The following SH3RF2 variants were observed in gnomAD, a reference collection of about 807,000 sequenced individuals.
SH3RF2 encodes SH3 domain containing ring finger 2.
Under a neutral mutation model 59.0 loss-of-function variants are expected in SH3RF2, and 43 were observed. The ratio of observed to expected loss-of-function variants is 0.73; its 90% CI spans 0.57 to 0.94. The LOEUF (loss-of-function observed/expected upper bound fraction) is 0.94. SH3RF2 is among the 40% of genes least tolerant of loss of function. The pLI, the probability that SH3RF2 is intolerant of heterozygous loss-of-function variation, is 0.00. For missense variants in SH3RF2, 930 were observed against 940.1 expected, an observed-to-expected ratio of 0.99 and a Z score of 0.14; for synonymous variants, 391 against 391.5, an observed-to-expected ratio of 1.00 and a Z score of 0.01.
chr5:146,066,293 G>A (rs1160140571), downstream of SH3RF2, among the ~76,000 whole-genome samples: 4 of 152,192 alleles, frequency 2.6e-5, no homozygotes, highest in Non-Finnish European at 5.9e-5. Flanking sequence ...CACAAATACA[G>A]TTCAGGTCTT....
chr5:146,075,545 T>C (rs1374281141), intron 9 of SH3RF2, among the ~76,000 whole-genome samples: 2 of 152,276 alleles, frequency 1.3e-5, no homozygotes, highest in Admixed American at 1.3e-4. Flanking sequence ...ACAGAGTGGT[T>C]CATGCCTATA....
At chr5:146,048,924 TG>T in intron 6 of SH3RF2, 150 bp from the exon 7 acceptor site, 1 of 837,850 alleles carries the variant, frequency 1.2e-6, no homozygotes, top group Non-Finnish European at 1.8e-6. Context: ...CCCGAACTGC[TG>T]GGATTAGAGG....
At chr5:145,976,940 C>A (rs1759318901) in intron 2 of SH3RF2, among the ~76,000 whole-genome samples, 1 of 152,218 alleles carries the variant, frequency 6.6e-6, no homozygotes, top group Non-Finnish European at 1.5e-5. Flanking sequence ...TAAAGTACCC[C>A]CTTCCCAGAG....
chr5:146,003,159 T>C (rs1192766742), intron 3 of SH3RF2, among the ~76,000 whole-genome samples: 1 of 152,154 alleles, frequency 6.6e-6, no homozygotes, highest in Non-Finnish European at 1.5e-5. Flanking sequence ...AAAATGGCAT[T>C]AAATTAAAAA....
At chr5:146,064,697 A>G (rs867601288), downstream of SH3RF2, among the ~76,000 whole-genome samples, 173 of 10,808 alleles carry the variant, frequency 0.016, 40 homozygotes, top group African/African-American at 0.038. Flanking sequence ...AAAGAAAGAA[A>G]GAAAGAAAGA....
chr5:146,006,968 C>A (rs1760671474), intron 4 of SH3RF2, among the ~76,000 whole-genome samples: 1 of 152,170 alleles, frequency 6.6e-6, no homozygotes. Flanking sequence ...CAACTAAATG[C>A]CTCGTTTCAG....
At position 146,022,874 on chromosome 5, in the gene SH3RF2, A is replaced by AACACACACAC. The variant is rs57377156; in HGVS notation, c.1059+8853_1059+8862dup. On this transcript the variant is annotated intron_variant, in intron 5 of 9. Transcript: ENST00000359120. The stretch of plus-strand genomic sequence containing the variant: ...GTGACACAGAGCAAGGCTCCATCTA[A>AACACACACAC]ACACACACACACACACACACACACA... Among the ~76,000 whole-genome samples the AACACACACAC allele has an allele frequency of 2.4e-3, 343 of 142,022 alleles. 3 individuals carry two copies. Among genetic ancestry groups the AACACACACAC allele is most frequent in the African/African-American group, 8.5e-3 (312 of 36,914 alleles). The allele number at this position is 142,022 out of a possible 152,430, so 93.2% of individuals were successfully genotyped here. A position where few individuals can be genotyped will look rare whatever the true frequency, so the allele number is the denominator to read the frequency against.
At chr5:145,938,484 C>G (rs1757687391) in intron 2 of SH3RF2, among the ~76,000 whole-genome samples, 178 bp downstream of exon 2, 1 of 152,226 alleles carries the variant, frequency 6.6e-6, no homozygotes, top group Non-Finnish European at 1.5e-5. Context: ...CTGAGCCTAT[C>G]TAATCCATCT....
chr5:146,006,058 A>T (rs1760631949), intron 4 of SH3RF2, among the ~76,000 whole-genome samples: 1 of 152,162 alleles, frequency 6.6e-6, no homozygotes, highest in African/African-American at 2.4e-5. Flanking sequence ...CACAAGACAA[A>T]CATGGGTCCC....
At chr5:146,003,809 A>G (rs1432594903) in intron 3 of SH3RF2, among the ~76,000 whole-genome samples, 1 of 152,214 alleles carries the variant, frequency 6.6e-6, no homozygotes, top group African/African-American at 2.4e-5. Flanking sequence ...AAAATTAGAA[A>G]CATTTCAAAG....
At chr5:145,942,970 TCA>T (rs1472342398) in intron 2 of SH3RF2, among the ~76,000 whole-genome samples, 1 of 152,148 alleles carries the variant, frequency 6.6e-6, no homozygotes, top group African/African-American at 2.4e-5. Flanking sequence ...TCTCTGATCC[TCA>T]GTTTCTAGAC....
At chr5:146,027,267 C>T (rs1054802453) in intron 5 of SH3RF2, among the ~76,000 whole-genome samples, 1 of 152,206 alleles carries the variant, frequency 6.6e-6, no homozygotes, top group Admixed American at 6.5e-5. Context: ...AAAAAAAAGA[C>T]TTTGGATAAA....
At position 146,009,615 on chromosome 5, in the gene SH3RF2, T is replaced by C. The variant is rs112588226; in HGVS notation, c.745-4132T>C. 9.8e-5 allele frequency among the ~76,000 whole-genome samples: 15 copies of C among 152,314 alleles called. 3 individuals carry two copies. The highest frequency in any genetic ancestry group is 3.6e-4 in the African/African-American group (15 of 41,578). On this transcript the variant is annotated intron_variant, in intron 4 of 9. Transcript: ENST00000359120. ...TGCCTCCCCCAGTCACTCTCTATCA[T>C]GTCAGAGCACTTATAACTATATGAT...
intron 2 of SH3RF2, among the ~76,000 whole-genome samples, chr5:145,984,121 A>G (rs1076334): frequency 0.13 from 19,425 of 152,136 alleles, 1,392 homozygotes; most frequent in East Asian, 0.26. Context: ...CTACTAGAAT[A>G]TAAGTCCCAT....
intron 5 of SH3RF2, among the ~76,000 whole-genome samples, chr5:146,017,624 T>A (rs77669207): frequency 0.012 from 1,768 of 152,246 alleles, 36 homozygotes; most frequent in African/African-American, 0.04. Flanking sequence ...GTAGCAGAAC[T>A]GCTATGCAAC....
intron 5 of SH3RF2, among the ~76,000 whole-genome samples, chr5:146,044,069 C>G (rs896752446): frequency 4.6e-5 from 7 of 152,118 alleles, no homozygotes; most frequent in African/African-American, 1.7e-4. Flanking sequence ...TTTGCATTCC[C>G]ATTGGAAGGG....
In SH3RF2 at chr5:146,056,160, C is replaced by T. The variant is rs770785916; in HGVS notation, c.1502C>T (p.Pro501Leu). Residue 501 changes from proline (P) to leucine (L), a missense_variant, in exon 8 of 10, where the codon CCT becomes CTT. Physicochemically the swap from Pro to Leu is moderately conservative, Grantham distance 98. Coordinates refer to ENST00000359120, the MANE Select transcript of SH3RF2 (RefSeq NM_152550.4). ...IVNPVRSTAG[P>L]GTLGQGSLRK... ...AACCCCGTGAGAAGCACAGCCGGCC[C>T]TGGGACTTTAGGACAAGGGTCTCTT... 10 of 1,614,204 alleles carry T rather than the reference C, an allele frequency of 6.2e-6. No homozygotes were observed. Among genetic ancestry groups the T allele is most frequent in the Non-Finnish European group, 7.6e-6 (9 of 1,180,048 alleles).
chr5:145,974,132 C>T (rs538926810), intron 2 of SH3RF2, among the ~76,000 whole-genome samples: 1 of 152,186 alleles, frequency 6.6e-6, no homozygotes, highest in Non-Finnish European at 1.5e-5. Context: ...ACTGAGAACC[C>T]AGGCTTCTTG....
intron 2 of SH3RF2, among the ~76,000 whole-genome samples, chr5:145,971,927 C>A (rs957120823): frequency 6.6e-6 from 1 of 152,060 alleles, no homozygotes; most frequent in East Asian, 1.9e-4. Flanking sequence ...AATTTGTAAG[C>A]ATTTACCTAG....
Sources: gnomAD v4.1 joint callset for allele counts (sites outside exome capture counted in the v4.1 genomes callset) on GRCh38, gnomAD v4.1.1 for gene constraint, MANE v1.5 for transcripts, NCBI Gene and HGNC (gene_info 2026-07-23, HGNC 2026-07-21) for gene names.